PHF3: variants seen among roughly 807,000 people sequenced by gnomAD.
PHF3 encodes PHD finger protein 3.
Under a neutral mutation model 178.4 loss-of-function variants are expected in PHF3, and 41 were observed. The observed-to-expected ratio is 0.23, with a 90% CI of 0.18 to 0.30. PHF3 has a LOEUF of 0.30. Among genes scored for constraint, PHF3 ranks in the 10% least tolerant of loss-of-function variants. The probability of loss-of-function intolerance (pLI) is 1.00; values close to 1 mark genes in which losing one functional copy is unlikely to be tolerated. For synonymous variants in PHF3, 842 were observed against 800.5 expected (o/e 1.05, Z -0.88); for missense variants, 2,346 against 2,398.1 (o/e 0.98, Z 0.45).
chr6:63,677,945 G>A (rs574768338), intron 2 of PHF3, among the ~76,000 whole-genome samples: 6 of 152,164 alleles, frequency 3.9e-5, no homozygotes, highest in African/African-American at 1.4e-4. Flanking sequence ...TTTTGAGGCT[G>A]GGTGCAGTGG....
chr6:63,681,687 G>A (rs751850929), intron 3 of PHF3, among the ~76,000 whole-genome samples: 1 of 151,944 alleles, frequency 6.6e-6, no homozygotes, highest in Non-Finnish European at 1.5e-5. Context: ...TACTAATGGC[G>A]TTTTAAACAG....
At chr6:63,703,728 A>G in intron 11 of PHF3, 57 bp downstream of exon 11, 1 of 1,493,122 alleles carries the variant, frequency 6.7e-7, no homozygotes, top group East Asian at 2.3e-5. Context: ...AAGGATACTT[A>G]GATACTAGTA....
chr6:63,684,158 A>G lies in PHF3; in HGVS notation c.436A>G (p.Ile146Val), dbSNP rs776757484. ...EQVRSLRQSTIAKRSNAAPLS... is the reference protein window; with the variant it reads ...EQVRSLRQSTVAKRSNAAPLS... ...AGTAAGAAGTTTGCGACAGAGCACT[A>G]TTGCCAAGCGTTCAAATGCAGCACC... The change falls in exon 4 of 16, where the codon ATT becomes GTT. Residue 146 changes from isoleucine to valine, a missense_variant. Ile to Val is a conservative substitution (Grantham distance 29). Around this residue, in one of 8 missense-constraint regions of PHF3, gnomAD observed 843 missense variants for 795.2 expected, o/e 1.06. Transcript: ENST00000262043. The G allele has an allele frequency of 3.1e-6, 5 of 1,612,176 alleles. No individual in the cohort carries two copies. Among genetic ancestry groups the G allele is most frequent in the Admixed American group, 3.4e-5 (2 of 59,634 alleles).
chr6:63,700,245 T>C (rs1767414484), intron 8 of PHF3, 105 bp from the exon 9 acceptor site: 1 of 563,536 alleles, frequency 1.8e-6, no homozygotes, highest in African/African-American at 1.9e-5. Flanking sequence ...TAATTAAGTA[T>C]TTGTAAATCA....
At position 63,694,604 on chromosome 6, in the gene PHF3, A is replaced by C; in HGVS notation, c.2520A>C (p.Ser840=). 6.5e-7 allele frequency: 1 copy of C among 1,537,516 alleles called. No individual in the cohort carries two copies. Among genetic ancestry groups the C allele is most frequent in the Non-Finnish European group, 8.8e-7 (1 of 1,142,078 alleles). The change falls in exon 6 of 16, where the codon TCA becomes TCC. Residue 840 remains serine, a synonymous_variant. Coordinates refer to ENST00000262043, the MANE Select transcript of PHF3 (RefSeq NM_001370348.2). Reference sequence around the variant, plus strand: ...AGGAGTCTGGTGAAGGCAGAAATTCATCAGACTGTAGAGATAATGAAATTA... The same window carrying C: ...AGGAGTCTGGTGAAGGCAGAAATTCCTCAGACTGTAGAGATAATGAAATTA... ...LKRESGEGRN[S]SDCRDNEIKK...
At chr6:63,653,134 G>C (rs1187171269) in intron 2 of PHF3, among the ~76,000 whole-genome samples, 1 of 114,276 alleles carries the variant, frequency 8.8e-6, no homozygotes, top group African/African-American at 3.6e-5. Context: ...TGCATTTTTT[G>C]CTCAGGATTA....
At chr6:63,688,033 A>G (rs1766792316) in intron 4 of PHF3, among the ~76,000 whole-genome samples, 1 of 151,468 alleles carries the variant, frequency 6.6e-6, no homozygotes, top group South Asian at 2.1e-4. Flanking sequence ...AAATACAAAA[A>G]ATTAGCTGGG....
intron 2 of PHF3, among the ~76,000 whole-genome samples, chr6:63,675,482 A>G (rs1766124644): frequency 6.6e-6 from 1 of 152,148 alleles, no homozygotes; most frequent in Non-Finnish European, 1.5e-5. Flanking sequence ...GAAAAAACAT[A>G]CTGGAGGTGC....
intron 2 of PHF3, among the ~76,000 whole-genome samples, chr6:63,647,769 C>T (rs911682091): frequency 5.3e-5 from 8 of 151,948 alleles, no homozygotes; most frequent in Admixed American, 2.6e-4. Context: ...TTACTGTAAA[C>T]GTTGTGGCAA....
chr6:63,706,510 T>G (rs1004110401), intron 12 of PHF3, among the ~76,000 whole-genome samples: 2 of 152,206 alleles, frequency 1.3e-5, no homozygotes, highest in Non-Finnish European at 2.9e-5. Context: ...TTTGCACTTT[T>G]CTCAATCTTA....
intron 6 of PHF3, among the ~76,000 whole-genome samples, chr6:63,697,290 A>G (rs1201659547): frequency 6.6e-6 from 1 of 151,906 alleles, no homozygotes; most frequent in Non-Finnish European, 1.5e-5. Flanking sequence ...CAGTTTTTCC[A>G]TTTTTTTTCA....
intron 2 of PHF3, among the ~76,000 whole-genome samples, chr6:63,665,175 T>C (rs1765628031): frequency 1.3e-5 from 2 of 152,136 alleles, no homozygotes; most frequent in East Asian, 3.8e-4. Context: ...CCGAGTTTTT[T>C]CTTTTTAAAG....
At position 63,684,634 on chromosome 6, in the gene PHF3, G is replaced by A. The variant is rs1766594442; in HGVS notation, c.912G>A (p.Thr304=). The A allele has an allele frequency of 3.7e-6, 6 of 1,613,834 alleles. No individual in the cohort carries two copies. The highest frequency in any genetic ancestry group is 1.1e-5 in the South Asian group (1 of 91,062). Residue 304 remains threonine, a synonymous_variant, in exon 4 of 16, where the codon ACG becomes ACA. Coordinates refer to ENST00000262043, the MANE Select transcript of PHF3 (RefSeq NM_001370348.2). ...HEQNDSISGK[T]GETVVEEMIA... The stretch of plus-strand genomic sequence containing the variant: ...AAAATGATTCCATTTCAGGTAAAAC[G>A]GGTGAGACTGTTGTTGAAGAAATGA...
intron 2 of PHF3, among the ~76,000 whole-genome samples, chr6:63,663,603 A>C (rs1440169974): frequency 6.6e-6 from 1 of 152,120 alleles, no homozygotes; most frequent in East Asian, 1.9e-4. Flanking sequence ...TGCTTCCCAT[A>C]GGTTGTAATT....
At chr6:63,660,123 G>A (rs186930352) in intron 2 of PHF3, among the ~76,000 whole-genome samples, 1 of 151,992 alleles carries the variant, frequency 6.6e-6, no homozygotes, top group Non-Finnish European at 1.5e-5. Flanking sequence ...ATATATGTGT[G>A]TTTGTAGGAA....
rs143016728 is a variant in PHF3, at chr6:63,667,491, A to C, written c.245-12509A>C. On this transcript the variant is annotated intron_variant, in intron 2 of 15. Transcript: ENST00000262043. ...ACCAGTTCATCCATCCAGTCTACCC[A>C]TTTAGTTGAACTTTATCATGTATCT... 5.6e-3 allele frequency among the ~76,000 whole-genome samples: 849 copies of C among 152,296 alleles called. 6 individuals carry two copies. The highest frequency in any genetic ancestry group is 0.02 in the African/African-American group (818 of 41,572).
Position 63,702,552 on chromosome 6 carries a change from G to A in PHF3, c.3144G>A (p.Arg1048=), listed in dbSNP as rs1460250084. 1 of 1,612,342 alleles carries A rather than the reference G, an allele frequency of 6.2e-7. No individual in the cohort carries two copies. ...IEKEQREVER[R]PITKITHKGE... is the part of the protein sequence containing the mutation. ...AAGAGCAGAGAGAAGTGGAACGACG[G>A]CCAATCACCAAAATAACTCATAAAG... The change falls in exon 10 of 16, where the codon CGG becomes CGA. Residue 1048 remains arginine (R), a synonymous_variant. Transcript: ENST00000262043.
In PHF3 at chr6:63,698,259, T is replaced by G. The variant is rs1459723575; in HGVS notation, c.2717T>G (p.Val906Gly). The G allele has an allele frequency of 6.2e-7, 1 of 1,611,860 alleles. No homozygotes were observed. The highest frequency in any genetic ancestry group is 1.3e-5 in the African/African-American group (1 of 74,864). ...AAGCAAGAGATGAAAAAGAAGAAAGTTGAAAAAGGAGTGCTTAATGTACAT... is the reference window on the plus strand; with the variant it reads ...AAGCAAGAGATGAAAAAGAAGAAAGGTGAAAAAGGAGTGCTTAATGTACAT... Reference protein sequence around the residue: ...HEKQEMKKKKVEKGVLNVHPA... With the variant: ...HEKQEMKKKKGEKGVLNVHPA... The change falls in exon 7 of 16, where the codon GTT becomes GGT. Residue 906 changes from valine (V) to glycine (G), a missense_variant. By Grantham distance (109) the Val-to-Gly change is moderately radical (BLOSUM62 -3). This residue lies in a region of PHF3 where 252 missense variants were observed against 232.0 expected (regional missense o/e 1.09). Coordinates refer to ENST00000262043, the MANE Select transcript of PHF3 (RefSeq NM_001370348.2).
chr6:63,650,496 TATGAC>T (rs1764976836), intron 2 of PHF3, among the ~76,000 whole-genome samples: 1 of 152,208 alleles, frequency 6.6e-6, no homozygotes, highest in Admixed American at 6.5e-5. Context: ...ATTGATATTA[TATGAC>T]ATCAAGCAGT....
Sources: gnomAD v4.1 joint callset for allele counts (sites outside exome capture counted in the v4.1 genomes callset) on GRCh38, gnomAD v4.1.1 for gene constraint, gnomAD v4.1.1 regional missense constraint, MANE v1.5 for transcripts, NCBI Gene and HGNC (gene_info 2026-07-23, HGNC 2026-07-21) for gene names.